OR51B5: variants seen among roughly 807,000 people sequenced by gnomAD.
OR51B5 encodes the protein olfactory receptor 51B5.
For missense variants in OR51B5, 456 were observed against 374.6 expected (o/e 1.22, Z -1.79); for synonymous variants, 186 against 144.8 (o/e 1.28, Z -2.04).
intron 1 of OR51B5, among the ~76,000 whole-genome samples, chr11:5,439,006 C>G (rs1850633252): frequency 6.6e-6 from 1 of 152,156 alleles, no homozygotes; most frequent in Non-Finnish European, 1.5e-5. Context: ...ACTTCCTGAT[C>G]AGGAGACTTG....
chr11:5,391,760 C>T (rs1320060134), intron 1 of OR51B5: 1 of 79,526 alleles, frequency 1.3e-5, no homozygotes, highest in Non-Finnish European at 2.8e-5. Context: ...GGCACGGTGG[C>T]TTATGCTATA....
intron 1 of OR51B5, chr11:5,390,452 G>A (rs376266097): frequency 3.1e-6 from 4 of 1,280,610 alleles, no homozygotes; most frequent in South Asian, 3.1e-5. Flanking sequence ...GGAGTATTGA[G>A]TATATAGCAT....
chr11:5,431,166 C>G (rs1243531323), intron 1 of OR51B5: 3 of 375,158 alleles, frequency 8.0e-6, no homozygotes, highest in Non-Finnish European at 1.6e-5. Context: ...TGCCCAGACC[C>G]ATGCAGATAA....
intron 1 of OR51B5, chr11:5,389,282 T>C: frequency 1.0e-6 from 1 of 959,916 alleles, no homozygotes; most frequent in East Asian, 2.4e-5. Context: ...AAGGGTGGAG[T>C]AGATAATACT....
At chr11:5,379,998 A>AAAAT (rs906677478) in intron 1 of OR51B5, among the ~76,000 whole-genome samples, 1 of 150,880 alleles carries the variant, frequency 6.6e-6, no homozygotes, top group African/African-American at 2.4e-5. Context: ...TTAAAAAAAA[A>AAAAT]AAATAAGCTA....
chr11:5,485,916 G>T (rs947685418), intron 1 of OR51B5, among the ~76,000 whole-genome samples: 1 of 152,110 alleles, frequency 6.6e-6, no homozygotes. Flanking sequence ...TTAAAGATGT[G>T]ATAGTTTTTT....
At chr11:5,454,363 A>T (rs1363083176) in intron 1 of OR51B5, 1 of 1,613,908 alleles carries the variant, frequency 6.2e-7, no homozygotes, top group Admixed American at 1.7e-5. Context: ...CCTCTCATTT[A>T]TAGCGCCAAG....
intron 1 of OR51B5, among the ~76,000 whole-genome samples, chr11:5,370,666 A>T (rs1199621425): frequency 6.6e-6 from 1 of 152,194 alleles, no homozygotes; most frequent in African/African-American, 2.4e-5. Flanking sequence ...CTATTTTAGC[A>T]ACTACTGGGT....
intron 1 of OR51B5, among the ~76,000 whole-genome samples, chr11:5,461,844 G>C (rs1205102893): frequency 2.0e-5 from 3 of 152,132 alleles, no homozygotes; most frequent in African/African-American, 4.8e-5. Flanking sequence ...CCCCATACAG[G>C]CTTTCCAGCT....
chr11:5,422,772 G>C, intron 1 of OR51B5: 1 of 1,614,090 alleles, frequency 6.2e-7, no homozygotes, highest in East Asian at 2.2e-5. Context: ...CGCCTGGTCT[G>C]TGCTGACATC....
At chr11:5,431,667 G>A (rs549706039) in intron 1 of OR51B5, 3 of 152,812 alleles carry the variant, frequency 2.0e-5, no homozygotes, top group East Asian at 1.9e-4. Flanking sequence ...GTCCCCAACC[G>A]TTGGATCTTC....
At chr11:5,485,920 G>GT (rs1221839417) in intron 1 of OR51B5, among the ~76,000 whole-genome samples, 1 of 152,042 alleles carries the variant, frequency 6.6e-6, no homozygotes, top group Admixed American at 6.6e-5. Flanking sequence ...AGATGTGATA[G>GT]TTTTTTTAAA....
chr11:5,501,806 G>C (rs137904308), intron 1 of OR51B5, among the ~76,000 whole-genome samples: 10 of 148,072 alleles, frequency 6.8e-5, no homozygotes, highest in African/African-American at 2.2e-4. Flanking sequence ...TAGGGTACAT[G>C]TGCACAACGT....
chr11:5,416,135 T>C (rs1850240694), intron 1 of OR51B5, among the ~76,000 whole-genome samples: 1 of 149,886 alleles, frequency 6.7e-6, no homozygotes, highest in South Asian at 2.2e-4. Flanking sequence ...TGCAAATCAA[T>C]AAATGTAGTC....
At chr11:5,360,129 C>A (rs916994540) in intron 1 of OR51B5, among the ~76,000 whole-genome samples, 18 of 151,588 alleles carry the variant, frequency 1.2e-4, no homozygotes, top group East Asian at 3.9e-4. Context: ...GCAACAAAAG[C>A]CAAAATGGAC....
chr11:5,388,185 A>T (rs1849731042), intron 1 of OR51B5, among the ~76,000 whole-genome samples: 1 of 152,144 alleles, frequency 6.6e-6, no homozygotes, highest in Non-Finnish European at 1.5e-5. Context: ...AATAATATTT[A>T]AAGGATTCCA....
chr11:5,412,466 C>T (rs7107266), intron 1 of OR51B5, among the ~76,000 whole-genome samples: 124,821 of 151,890 alleles, frequency 0.82, 52,184 homozygotes, highest in Non-Finnish European at 0.89. Context: ...GCGTACTGTG[C>T]GCCAGCCGAA....
At chr11:5,389,940 G>A (rs199834341) in intron 1 of OR51B5, 4 of 1,611,196 alleles carry the variant, frequency 2.5e-6, no homozygotes, top group Non-Finnish European at 3.4e-6. Context: ...TTTCCCTACT[G>A]TGGATCTGTG....
chr11:5,499,687 C>T (rs1001127154), intron 1 of OR51B5, among the ~76,000 whole-genome samples: 7 of 152,188 alleles, frequency 4.6e-5, no homozygotes, highest in Admixed American at 6.5e-5. Context: ...ATTCCATCAG[C>T]AAGCCCTTTC....
Sources: gnomAD v4.1 joint callset for allele counts (sites outside exome capture counted in the v4.1 genomes callset) on GRCh38, gnomAD v4.1.1 for gene constraint, MANE v1.5 for transcripts, NCBI Gene and HGNC (gene_info 2026-07-23, HGNC 2026-07-21) for gene names.